THSD7A: variants seen among roughly 807,000 people sequenced by gnomAD.
THSD7A encodes the protein thrombospondin type 1 domain containing 7A.
A neutral mutation model predicts 231.3 loss-of-function variants in THSD7A; 96 were observed. That is an observed-to-expected ratio of 0.41 (90% confidence interval 0.35 to 0.49). The LOEUF is 0.49. THSD7A is among the 20% of genes least tolerant of loss of function. THSD7A has a pLI of 0.05. For synonymous variants in THSD7A, 940 were observed against 743.3 expected (o/e 1.26, Z -4.30); for missense variants, 2,290 against 2,070.2 (o/e 1.11, Z -2.06).
intron 4 of THSD7A, among the ~76,000 whole-genome samples, chr7:11,584,038 A>G (rs755846609): frequency 2.0e-5 from 3 of 152,056 alleles, no homozygotes; most frequent in Admixed American, 6.6e-5. Context: ...GTAATGCAGT[A>G]TTTTTGCCTG....
intron 1 of THSD7A, among the ~76,000 whole-genome samples, chr7:11,748,462 T>G (rs1782386722): frequency 6.6e-6 from 1 of 151,958 alleles, no homozygotes; most frequent in Non-Finnish European, 1.5e-5. Context: ...TAAAAAGTAT[T>G]TGTCACAAAA....
intron 1 of THSD7A, among the ~76,000 whole-genome samples, chr7:11,724,193 A>G (rs1781465718): frequency 2.0e-5 from 3 of 151,902 alleles, no homozygotes. Context: ...TAAGTACATA[A>G]AAGAATGTAG....
At chr7:11,480,754 A>T (rs1786390796) in intron 7 of THSD7A, among the ~76,000 whole-genome samples, 1 of 152,198 alleles carries the variant, frequency 6.6e-6, no homozygotes, top group Admixed American at 6.5e-5. Context: ...ACACACACAG[A>T]TAGCAAATTT....
intron 17 of THSD7A, among the ~76,000 whole-genome samples, chr7:11,415,517 G>A (rs1256551918): frequency 6.6e-6 from 1 of 152,080 alleles, no homozygotes; most frequent in East Asian, 1.9e-4. Context: ...ACAAAAACAA[G>A]AGGAGATCAG....
chr7:11,506,143 CACCACGCCTGGCTA>C lies in THSD7A; in HGVS notation c.1823-24175_1823-24162del, dbSNP rs113534008. 1.7e-3 allele frequency among the ~76,000 whole-genome samples: 252 copies of C among 152,192 alleles called. 2 individuals are homozygous for C. Among genetic ancestry groups the C allele is most frequent in the African/African-American group, 5.9e-3 (244 of 41,538 alleles). On this transcript the variant is annotated intron_variant, in intron 6 of 27. Transcript: ENST00000423059. ...AGTAGCTGGGACCACAGGCATGTGA[CACCACGCCTGGCTA>C]ATTTTTTGTATTTTTAGCAGAGATG...
In THSD7A at chr7:11,643,597, A is replaced by ATG. The variant is rs1554259047; in HGVS notation, c.191-6637_191-6636insCA. Among the ~76,000 whole-genome samples the ATG allele has an allele frequency of 3.3e-3, 324 of 98,382 alleles. 6 individuals are homozygous for ATG. In the South Asian group the frequency reaches 0.044, roughly 13 times the overall value. 64.5% of individuals were successfully genotyped at this position (98,382 alleles called of 152,430 possible). ...CCATTTCAACAGATACACCACACGC[A>ATG]CGCGCGCACACACACACACACACAC... On this transcript the variant is annotated intron_variant, in intron 1 of 27. Coordinates refer to ENST00000423059, the MANE Select transcript of THSD7A (RefSeq NM_015204.3).
chr7:11,724,554 C>T (rs1400237583), intron 1 of THSD7A, among the ~76,000 whole-genome samples: 1 of 151,822 alleles, frequency 6.6e-6, no homozygotes, highest in Non-Finnish European at 1.5e-5. Flanking sequence ...TATACACGCA[C>T]ACATACCCCC....
At chr7:11,476,363 C>CT (rs1280403059) in intron 7 of THSD7A, among the ~76,000 whole-genome samples, 1 of 127,680 alleles carries the variant, frequency 7.8e-6, no homozygotes, top group Non-Finnish European at 1.7e-5. Flanking sequence ...ACACACACAC[C>CT]ATTTTTTTAA....
chr7:11,761,448 CT>C lies in THSD7A; in HGVS notation c.190+70308del, dbSNP rs998793254. 2.6e-5 allele frequency among the ~76,000 whole-genome samples: 4 copies of C among 151,960 alleles called. No homozygotes were observed. The South Asian group carries it at 8.3e-4, about 32-fold the overall frequency. On this transcript the variant is annotated intron_variant, in intron 1 of 27. Transcript: ENST00000423059. ...ATAAAGATGTTTTCATCATGCATATCTTTTTTCATAAAGGGCATCATTTCAT... is the reference window on the plus strand; with the variant it reads ...ATAAAGATGTTTTCATCATGCATATCTTTTTCATAAAGGGCATCATTTCAT...
intron 1 of THSD7A, among the ~76,000 whole-genome samples, chr7:11,820,052 T>G (rs1784822418): frequency 6.6e-6 from 1 of 152,096 alleles, no homozygotes; most frequent in East Asian, 1.9e-4. Context: ...CACACACCAG[T>G]AACAGATGAG....
intron 4 of THSD7A, among the ~76,000 whole-genome samples, chr7:11,546,844 T>C (rs1205287483): frequency 6.6e-6 from 1 of 152,122 alleles, no homozygotes; most frequent in East Asian, 1.9e-4. Flanking sequence ...ATGAAATAGC[T>C]TTTTTAAGAA....
chr7:11,820,310 G>A (rs900852771), intron 1 of THSD7A: 6 of 662,032 alleles, frequency 9.1e-6, no homozygotes, highest in Non-Finnish European at 9.1e-6. Context: ...TCCGTAAAGA[G>A]TGGACCCTAC....
intron 2 of THSD7A, among the ~76,000 whole-genome samples, chr7:11,629,080 G>C (rs138075188): frequency 1.1e-4 from 16 of 152,170 alleles, no homozygotes; most frequent in African/African-American, 3.6e-4. Context: ...GCCTTTGCTA[G>C]AGAAATTCAG....
rs921078287 is a variant in THSD7A at position 11,632,920 on chromosome 7, G to A, written c.1022+3210C>T. Among the ~76,000 whole-genome samples the A allele has an allele frequency of 1.1e-4, 17 of 152,056 alleles. No individual in the cohort carries two copies. Among genetic ancestry groups the A allele is most frequent in the East Asian group, 5.8e-4 (3 of 5,188 alleles). On this transcript the variant is annotated intron_variant, in intron 2 of 27. Transcript: ENST00000423059. The surrounding 1 kb of genome is among the most constrained non-coding windows in gnomAD (Gnocchi z 4.1). The stretch of plus-strand genomic sequence containing the variant: ...TGGTTCTATCTTCAGGAACATCAGC[G>A]TTTCATATAGTAATGTCCTTTGTTT...
chr7:11,565,023 C>T (rs1483083932), intron 4 of THSD7A, among the ~76,000 whole-genome samples: 5 of 152,060 alleles, frequency 3.3e-5, no homozygotes, highest in Non-Finnish European at 5.9e-5. Flanking sequence ...TGCAACACTG[C>T]AAATATGGAG....
At chr7:11,568,078 T>C (rs1195102001) in intron 4 of THSD7A, among the ~76,000 whole-genome samples, 1 of 152,214 alleles carries the variant, frequency 6.6e-6, no homozygotes. Flanking sequence ...CGTTATTCTT[T>C]CGTGAATTTA....
chr7:11,521,108 T>C (rs1305757921), intron 6 of THSD7A, among the ~76,000 whole-genome samples: 2 of 152,166 alleles, frequency 1.3e-5, no homozygotes, highest in Admixed American at 6.5e-5. Flanking sequence ...TTAAGGAACA[T>C]AGTGATCATA....
chr7:11,539,735 T>C (rs143432312), intron 6 of THSD7A, among the ~76,000 whole-genome samples: 21 of 152,318 alleles, frequency 1.4e-4, no homozygotes, highest in Non-Finnish European at 2.8e-4. Context: ...TTAGCACAAA[T>C]ACCAGGAAGA....
intron 6 of THSD7A, among the ~76,000 whole-genome samples, chr7:11,534,778 A>T (rs1788846597): frequency 6.6e-6 from 1 of 152,196 alleles, no homozygotes; most frequent in Non-Finnish European, 1.5e-5. Flanking sequence ...TAATGTGAGG[A>T]ATGCATCTGT....
Sources: allele counts gnomAD v4.1 joint callset (sites outside exome capture counted in the v4.1 genomes callset), GRCh38; gene constraint gnomAD v4.1.1; non-coding constraint Gnocchi (gnomAD v3.1); transcripts MANE v1.5; gene names NCBI Gene and HGNC (gene_info 2026-07-23, HGNC 2026-07-21).